TYW1: variants seen among roughly 807,000 people sequenced by gnomAD.
The protein encoded by TYW1 is tRNA-yW synthesizing protein 1 homolog, also known as S-adenosyl-L-methionine-dependent tRNA 4-demethylwyosine synthase TYW1.
In TYW1, 46 loss-of-function variants were observed where a neutral mutation model predicts 96.2. That is an observed-to-expected ratio of 0.48 (90% CI 0.38 to 0.61). The LOEUF (loss-of-function observed/expected upper bound fraction) is 0.61. Ranked by LOEUF, TYW1 falls within the 20% of genes least tolerant of loss-of-function variation. The pLI is 0.00. For missense variants in TYW1, 684 were observed against 909.6 expected (o/e 0.75, Z 3.19); for synonymous variants, 274 against 323.0 (o/e 0.85, Z 1.63).
At chr7:67,223,496 G>A (rs1801462068) in intron 15 of TYW1, among the ~76,000 whole-genome samples, 1 of 151,776 alleles carries the variant, frequency 6.6e-6, no homozygotes, top group African/African-American at 2.4e-5. Flanking sequence ...ATTTTTTAAT[G>A]TCTTAGTCTT....
intron 7 of TYW1, among the ~76,000 whole-genome samples, chr7:67,031,181 A>G (rs1249515836): frequency 7.8e-6 from 1 of 127,738 alleles, no homozygotes; most frequent in East Asian, 2.9e-4. Context: ...CGACAGAGCG[A>G]GACTCCATCT....
intron 14 of TYW1, among the ~76,000 whole-genome samples, chr7:67,186,828 A>C (rs538685661): frequency 9.9e-4 from 150 of 152,176 alleles, no homozygotes; most frequent in East Asian, 8.9e-3. Flanking sequence ...GTTTTCTTTC[A>C]AAATTTCCAT....
chr7:67,204,263 G>C (rs28806258), intron 15 of TYW1, among the ~76,000 whole-genome samples: 1 of 151,572 alleles, frequency 6.6e-6, no homozygotes, highest in South Asian at 2.1e-4. Flanking sequence ...TTTTGTTATG[G>C]TCCCACAGGT....
intron 15 of TYW1, among the ~76,000 whole-genome samples, chr7:67,237,984 A>G (rs1053456545): frequency 7.2e-5 from 11 of 152,076 alleles, no homozygotes; most frequent in Non-Finnish European, 1.3e-4. Flanking sequence ...AGGAATTAGA[A>G]TGAGTTTGAA....
intron 13 of TYW1, among the ~76,000 whole-genome samples, chr7:67,131,216 T>C (rs1026819887): frequency 1.3e-5 from 2 of 151,986 alleles, no homozygotes; most frequent in African/African-American, 4.8e-5. Flanking sequence ...TTCTCACCTG[T>C]GAAATGGGGT....
chr7:67,029,437 A>ATATATATATATATAT (rs746024597), intron 7 of TYW1, among the ~76,000 whole-genome samples: 1 of 146,560 alleles, frequency 6.8e-6, no homozygotes, highest in Non-Finnish European at 1.5e-5. Context: ...ATATATAAAT[A>ATATATATATATATAT]GTATTTTCTA....
At chr7:67,060,823 C>T (rs1228046573) in intron 9 of TYW1, among the ~76,000 whole-genome samples, 2 of 152,134 alleles carry the variant, frequency 1.3e-5, no homozygotes, top group African/African-American at 4.8e-5. Context: ...GTGAAAATAG[C>T]AACTTTTTCT....
chr7:67,183,819 A>ATATTTTATTT lies in TYW1; in HGVS notation c.1809+600_1809+609dup, dbSNP rs10644987. ...ACTCTTATTTTATTTACTTTATTTCATATTTTATTTTATTTTATTTTATTT... is the reference window on the plus strand; with the variant it reads ...ACTCTTATTTTATTTACTTTATTTCATATTTTATTTTATTTTATTTTATTTTATTTTATTT... On this transcript the variant is annotated intron_variant, in intron 14 of 15. Transcript: ENST00000359626. Among the ~76,000 whole-genome samples the ATATTTTATTT allele has an allele frequency of 1.1e-3, 167 of 151,484 alleles. 2 individuals carry two copies. The highest frequency in any genetic ancestry group is 6.8e-3 in the Middle Eastern group (2 of 294).
intron 6 of TYW1, among the ~76,000 whole-genome samples, chr7:67,020,954 G>C (rs1389144189): frequency 6.6e-6 from 1 of 152,268 alleles, no homozygotes; most frequent in Non-Finnish European, 1.5e-5. Context: ...CTTGAACTTG[G>C]GAGGTGGAGG....
chr7:67,138,624 C>A (rs1203762154), intron 13 of TYW1, among the ~76,000 whole-genome samples: 2 of 151,976 alleles, frequency 1.3e-5, no homozygotes, highest in African/African-American at 4.8e-5. Context: ...CTCCCAACAC[C>A]CCCACTACCC....
intron 10 of TYW1, among the ~76,000 whole-genome samples, chr7:67,070,582 T>C (rs898215767): frequency 1.3e-5 from 2 of 152,208 alleles, no homozygotes; most frequent in African/African-American, 4.8e-5. Context: ...TCACATCTTC[T>C]GTTTGGTTCC....
At position 67,083,512 on chromosome 7, in the gene TYW1, C is replaced by T. The variant is rs1405167595; in HGVS notation, c.1357C>T (p.His453Tyr). Reference protein sequence around the residue: ...EMILKEAIENHQNMIKQFKGV... With the variant: ...EMILKEAIENYQNMIKQFKGV... ...GATCTTGAAGGAAGCCATTGAAAAC[C>T]ATCAGAACATGATTAAGCAGTTTAA... The change falls in exon 11 of 16, where the codon CAT (histidine) becomes TAT (tyrosine). Residue 453 changes from histidine (H) to tyrosine (Y), a missense_variant. By Grantham distance (83) the His-to-Tyr change is moderately conservative. Coordinates refer to ENST00000359626, the MANE Select transcript of TYW1 (RefSeq NM_018264.4). The T allele has an allele frequency of 6.2e-7, 1 of 1,614,108 alleles. No homozygotes were observed. The highest frequency in any genetic ancestry group is 8.5e-7 in the Non-Finnish European group (1 of 1,179,998).
intron 14 of TYW1, among the ~76,000 whole-genome samples, chr7:67,183,914 A>G (rs113332686): frequency 6.6e-6 from 1 of 151,980 alleles, no homozygotes; most frequent in East Asian, 1.9e-4. Context: ...TGCAGCCTCC[A>G]ACTCTTGGGT....
At chr7:67,187,959 T>G (rs1800081976) in intron 14 of TYW1, among the ~76,000 whole-genome samples, 1 of 152,250 alleles carries the variant, frequency 6.6e-6, no homozygotes, top group South Asian at 2.1e-4. Flanking sequence ...ACAGAATGTC[T>G]GAAAATACAT....
At chr7:67,038,994 G>A (rs1794929266) in intron 7 of TYW1, among the ~76,000 whole-genome samples, 1 of 152,274 alleles carries the variant, frequency 6.6e-6, no homozygotes, top group South Asian at 2.1e-4. Flanking sequence ...CAACTGTTAA[G>A]CAAAATGCAA....
chr7:67,144,298 G>A (rs1798537314), intron 13 of TYW1, among the ~76,000 whole-genome samples: 1 of 152,128 alleles, frequency 6.6e-6, no homozygotes, highest in African/African-American at 2.4e-5. Flanking sequence ...TAAGAAAAAT[G>A]GTTTTAAAGA....
chr7:67,034,447 C>T (rs943329763), intron 7 of TYW1, among the ~76,000 whole-genome samples: 3 of 152,114 alleles, frequency 2.0e-5, no homozygotes, highest in Admixed American at 6.6e-5. Context: ...TTTAAAATTT[C>T]ACAGACAGCA....
intron 7 of TYW1, among the ~76,000 whole-genome samples, chr7:67,029,382 CGTGTGTGTGTGTGTGTGT>C (rs67162571): frequency 9.4e-6 from 1 of 106,768 alleles, no homozygotes; most frequent in Non-Finnish European, 1.9e-5. Flanking sequence ...TGTGTGTGTG[CGTGTGTGTGTGTGTGTGT>C]GTGTGTGTGT....
rs1795498135 is a variant in TYW1, at chr7:67,055,838, A to G, written c.1106A>G (p.Tyr369Cys). ...ALREALTKQGYQLIGSHSGVK... is the reference protein window; with the variant it reads ...ALREALTKQGCQLIGSHSGVK... ...TGTTCCCTGCTTTTCCACTCAGGTT[A>G]TCAGTTGATTGGGAGCCACTCGGGG... Residue 369 changes from tyrosine to cysteine, a missense_variant, in exon 9 of 16, where the codon TAT becomes TGT. Transcript: ENST00000359626. The G allele has an allele frequency of 7.4e-6, 12 of 1,612,222 alleles. No homozygotes were observed. Among genetic ancestry groups the G allele is most frequent in the Middle Eastern group, 1.6e-4 (1 of 6,084 alleles).
Sources: gnomAD v4.1 joint callset for allele counts (sites outside exome capture counted in the v4.1 genomes callset) on GRCh38, gnomAD v4.1.1 for gene constraint, MANE v1.5 for transcripts, NCBI Gene and HGNC (gene_info 2026-07-23, HGNC 2026-07-21) for gene names.